REL: variants seen among roughly 807,000 people sequenced by gnomAD.
REL encodes proto-oncogene c-Rel.
Under a neutral mutation model 45.9 loss-of-function variants are expected in REL, and 15 were observed. That is an observed-to-expected ratio of 0.33 (90% CI 0.22 to 0.50). The LOEUF is 0.50. Among genes scored for constraint, REL ranks in the 20% least tolerant of loss-of-function variants. REL has a pLI of 0.98. For missense variants in REL, 601 were observed against 715.2 expected (o/e 0.84, Z 1.82); for synonymous variants, 239 against 242.1 (o/e 0.99, Z 0.12).
At chr2:60,897,850 G>C (rs1673391734) in intron 3 of REL, among the ~76,000 whole-genome samples, 2 of 141,918 alleles carry the variant, frequency 1.4e-5, no homozygotes, top group South Asian at 4.4e-4. Flanking sequence ...AACAGAGCGA[G>C]ATTGTATCTC....
chr2:60,895,303 T>C (rs1465240907), intron 3 of REL, among the ~76,000 whole-genome samples: 1 of 152,096 alleles, frequency 6.6e-6, no homozygotes, highest in Admixed American at 6.5e-5. Flanking sequence ...AGCCTCAGCC[T>C]CCTGAGTAGC....
chr2:60,923,729 A>G lies in REL; in HGVS notation c.*1194A>G, dbSNP rs1461910284. ...CTGACCACCTCTTTTGACCTCTACT[A>G]TTAACGCCCTATTCCAAGCCACCAT... On this transcript the variant is annotated 3_prime_UTR_variant, in exon 10 of 10. Transcript: ENST00000394479. 7 of 233,056 alleles carry G rather than the reference A, an allele frequency of 3.0e-5. No individual in the cohort carries two copies. The highest frequency in any genetic ancestry group is 5.6e-5 in the Admixed American group (1 of 17,768). 14.4% of individuals were successfully genotyped at this position (233,056 alleles called of 1,614,324 possible). A position where few individuals can be genotyped will look rare whatever the true frequency, so the allele number is the denominator to read the frequency against.
intron 4 of REL, among the ~76,000 whole-genome samples, chr2:60,906,925 T>TTTTTTTTTTTTTC (rs1379444628): frequency 3.5e-5 from 5 of 144,848 alleles, no homozygotes; most frequent in African/African-American, 1.3e-4. Context: ...TTTTTTTTTT[T>TTTTTTTTTTTTTC]TTTTCTTTTC....
At chr2:60,916,057 G>C (rs574113683) in intron 4 of REL, among the ~76,000 whole-genome samples, 26 of 152,246 alleles carry the variant, frequency 1.7e-4, no homozygotes, top group Non-Finnish European at 2.8e-4. Context: ...TAAATTTAAT[G>C]ACTTGAGTTC....
At position 60,920,066 on chromosome 2, in the gene REL, A is replaced by G. The variant is rs764128925; in HGVS notation, c.879A>G (p.Lys293=). The G allele has an allele frequency of 6.8e-6, 11 of 1,612,074 alleles. No individual in the cohort carries two copies. The Admixed American group carries it at 1.8e-4, about 27-fold the overall frequency. ...EKDTYGNKAK[K]QKTTLLFQKL... is the part of the protein sequence containing the mutation. ...ATACTTACGGCAATAAAGCAAAGAA[A>G]CAAAAGACAACTCTGCTTTTCCAGA... is the stretch of plus-strand genomic sequence containing the variant. The change falls in exon 8 of 10, where the codon AAA becomes AAG. Residue 293 remains lysine (K), a synonymous_variant. Transcript: ENST00000394479.
intron 4 of REL, among the ~76,000 whole-genome samples, chr2:60,914,197 G>T (rs1428178618): frequency 6.6e-6 from 1 of 152,206 alleles, no homozygotes; most frequent in Non-Finnish European, 1.5e-5. Flanking sequence ...CCATTGCAGA[G>T]GATGAAGTTA....
At chr2:60,910,799 G>T (rs1673792519) in intron 4 of REL, among the ~76,000 whole-genome samples, 1 of 152,046 alleles carries the variant, frequency 6.6e-6, no homozygotes, top group Admixed American at 6.5e-5. Context: ...AGGCATGGTG[G>T]TGCATGCCTG....
intron 4 of REL, among the ~76,000 whole-genome samples, chr2:60,908,205 G>C (rs1026663692): frequency 2.0e-5 from 3 of 152,110 alleles, no homozygotes; most frequent in Non-Finnish European, 4.4e-5. Context: ...TGTGGACAGG[G>C]TCTGTGATGG....
intron 4 of REL, among the ~76,000 whole-genome samples, chr2:60,901,942 G>T (rs542498143): frequency 6.6e-6 from 1 of 152,094 alleles, no homozygotes; most frequent in Non-Finnish European, 1.5e-5. Flanking sequence ...GCCTCATGCT[G>T]TAAGTATAAA....
In REL at chr2:60,881,806, G is replaced by A. The variant is rs1191860236; in HGVS notation, c.-35G>A. On this transcript the variant is annotated 5_prime_UTR_variant, in exon 1 of 10. Coordinates refer to ENST00000394479, the MANE Select transcript of REL (RefSeq NM_001291746.2). ...GCGGCCGCCTCCGGCCAGGACGCTG[G>A]GAGCTGCCTGCGGGAAGGTGCGGGG... 1.3e-6 allele frequency: 2 copies of A among 1,528,174 alleles called. No individual in the cohort carries two copies. The highest frequency in any genetic ancestry group is 1.8e-6 in the Non-Finnish European group (2 of 1,138,892). 94.7% of individuals were successfully genotyped at this position (1,528,174 alleles called of 1,614,324 possible).
intron 3 of REL, among the ~76,000 whole-genome samples, chr2:60,895,751 C>T (rs1240203379): frequency 6.6e-6 from 1 of 152,206 alleles, no homozygotes; most frequent in Non-Finnish European, 1.5e-5. Flanking sequence ...CCAGCTGTTC[C>T]ACTTCTAGGA....
At chr2:60,906,458 A>G (rs1409905328) in intron 4 of REL, among the ~76,000 whole-genome samples, 2 of 152,192 alleles carry the variant, frequency 1.3e-5, no homozygotes, top group South Asian at 2.1e-4. Flanking sequence ...TCCACAGAGT[A>G]TACTCTGAGA....
At chr2:60,884,236 C>T (rs1673017356) in intron 1 of REL, among the ~76,000 whole-genome samples, 2 of 151,838 alleles carry the variant, frequency 1.3e-5, no homozygotes, top group Admixed American at 1.3e-4. Flanking sequence ...TCATTTCTTA[C>T]CAGATGTCAT....
chr2:60,911,743 G>A (rs1035383929), intron 4 of REL, among the ~76,000 whole-genome samples: 1 of 152,066 alleles, frequency 6.6e-6, no homozygotes, highest in Admixed American at 6.6e-5. Context: ...GCTCACACCT[G>A]TAATCCCAGC....
chr2:60,900,416 ATTTTGG>A (rs1673461483), intron 3 of REL: 1 of 152,232 alleles, frequency 6.6e-6, no homozygotes. Flanking sequence ...GTTAATCTAT[ATTTTGG>A]TATGTTTGAC....
At position 60,916,861 on chromosome 2, in the gene REL, T is replaced by A. The variant is rs1673977229; in HGVS notation, c.395-16T>A. The A allele has an allele frequency of 6.2e-7, 1 of 1,600,798 alleles. No individual in the cohort carries two copies. The highest frequency in any genetic ancestry group is 8.5e-7 in the Non-Finnish European group (1 of 1,172,352). ...ATGTGACTATTACATTTAAAAAATT[T>A]TTTTTTTCTATTCAGTCCCTGAAAA... On this transcript the variant is annotated splice_polypyrimidine_tract_variant and intron_variant, in intron 4 of 9. Transcript: ENST00000394479.
intron 1 of REL, 68 bp from the exon 2 acceptor site, chr2:60,891,615 A>G: frequency 1.5e-6 from 2 of 1,319,170 alleles, no homozygotes; most frequent in South Asian, 1.7e-5. Flanking sequence ...AAAAAAACAG[A>G]ATGTTAAAAT....
chr2:60,881,757 C>A lies in REL; in HGVS notation c.-84C>A, dbSNP rs1436024687. ...ACTGGGGGCCCCGCCGGCAGAGGTC[C>A]CTCGGCCTCCTGACTGACTGACTGC... On this transcript the variant is annotated 5_prime_UTR_variant, in exon 1 of 10. Transcript: ENST00000394479. 3.9e-6 allele frequency: 5 copies of A among 1,295,236 alleles called. No homozygotes were observed. In the African/African-American group the frequency reaches 6.1e-5, roughly 16 times the overall value. The allele number at this position is 1,295,236 out of a possible 1,614,324, so 80.2% of individuals were successfully genotyped here. A position where few individuals can be genotyped will look rare whatever the true frequency, so the allele number is the denominator to read the frequency against.
At position 60,881,827 on chromosome 2, in the gene REL, C is replaced by A; in HGVS notation, c.-14C>A. 6.6e-7 allele frequency: 1 copy of A among 1,521,616 alleles called. No individual in the cohort carries two copies. The highest frequency in any genetic ancestry group is 2.0e-5 in the Admixed American group (1 of 49,338). 94.3% of individuals were successfully genotyped at this position (1,521,616 alleles called of 1,614,324 possible). On this transcript the variant is annotated 5_prime_UTR_variant, in exon 1 of 10. Coordinates refer to ENST00000394479, the MANE Select transcript of REL (RefSeq NM_001291746.2). Reference sequence around the variant, plus strand: ...GCTGGGAGCTGCCTGCGGGAAGGTGCGGGGAGCGGAGCCATGGCCTCCGGT... The same window carrying A: ...GCTGGGAGCTGCCTGCGGGAAGGTGAGGGGAGCGGAGCCATGGCCTCCGGT...
Sources: allele counts gnomAD v4.1 joint callset (sites outside exome capture counted in the v4.1 genomes callset), GRCh38; gene constraint gnomAD v4.1.1; transcripts MANE v1.5; gene names NCBI Gene and HGNC (gene_info 2026-07-23, HGNC 2026-07-21).